The following CACNB2 variants were observed in gnomAD, a reference collection of about 807,000 sequenced individuals.
CACNB2 encodes the protein voltage-dependent L-type calcium channel subunit beta-2.
In CACNB2, 42 loss-of-function variants were observed where a neutral mutation model predicts 73.3. That is an observed-to-expected ratio of 0.57 (90% CI 0.45 to 0.74). CACNB2 has a LOEUF of 0.74. Ranked by LOEUF, CACNB2 falls within the 30% of genes least tolerant of loss-of-function variation. The probability of loss-of-function intolerance (pLI) is 0.00; values close to 1 mark genes in which losing one functional copy is unlikely to be tolerated. For synonymous variants in CACNB2, 348 were observed against 310.3 expected, an observed-to-expected ratio of 1.12 and a Z score of -1.28; for missense variants, 940 against 853.0, an observed-to-expected ratio of 1.10 and a Z score of -1.27.
intron 2 of CACNB2, among the ~76,000 whole-genome samples, chr10:18,183,698 G>A (rs953195111): frequency 6.6e-6 from 1 of 152,144 alleles, no homozygotes; most frequent in African/African-American, 2.4e-5. Context: ...AGGAATTATG[G>A]GAGCTACAAC....
intron 2 of CACNB2, among the ~76,000 whole-genome samples, chr10:18,236,979 T>C (rs1343494471): frequency 6.6e-6 from 1 of 152,178 alleles, no homozygotes; most frequent in Non-Finnish European, 1.5e-5. Flanking sequence ...CCTGTAGTAC[T>C]ATGCACCAGG....
intron 2 of CACNB2, among the ~76,000 whole-genome samples, chr10:18,385,528 GAGGC>G (rs945077892): frequency 6.6e-6 from 1 of 151,396 alleles, no homozygotes; most frequent in Non-Finnish European, 1.5e-5. Flanking sequence ...TAGGGAGGCT[GAGGC>G]AGGAGAATCG....
At chr10:18,490,490 C>T (rs2049348016) in intron 3 of CACNB2, among the ~76,000 whole-genome samples, 1 of 152,116 alleles carries the variant, frequency 6.6e-6, no homozygotes, top group Admixed American at 6.5e-5. Context: ...TTGGGCCTGA[C>T]CCTCCATAGC....
intron 2 of CACNB2, among the ~76,000 whole-genome samples, chr10:18,252,519 T>C (rs1170032781): frequency 6.6e-6 from 1 of 152,212 alleles, no homozygotes; most frequent in Non-Finnish European, 1.5e-5. Flanking sequence ...CATTTTGTAT[T>C]GCCATCTTTG....
intron 2 of CACNB2, among the ~76,000 whole-genome samples, chr10:18,355,130 G>T (rs574079370): frequency 6.6e-6 from 1 of 152,226 alleles, no homozygotes; most frequent in African/African-American, 2.4e-5. Flanking sequence ...CAAATATTCC[G>T]AAATCCAAAT....
chr10:18,405,925 G>C (rs970048034), intron 3 of CACNB2, among the ~76,000 whole-genome samples: 1 of 151,556 alleles, frequency 6.6e-6, no homozygotes, highest in African/African-American at 2.4e-5. Context: ...TTGCTCTCAC[G>C]TGTGCAACAG....
intron 1 of CACNB2, among the ~76,000 whole-genome samples, chr10:18,147,124 G>A (rs2031067600): frequency 6.6e-6 from 1 of 152,124 alleles, no homozygotes; most frequent in Non-Finnish European, 1.5e-5. Flanking sequence ...CAATCATGCA[G>A]CAATTAGATT....
chr10:18,444,587 C>T (rs987409534), intron 3 of CACNB2, among the ~76,000 whole-genome samples: 25 of 152,148 alleles, frequency 1.6e-4, no homozygotes, highest in African/African-American at 5.6e-4. Context: ...TGCAACGTCC[C>T]ACAGCTAGGA....
intron 2 of CACNB2, among the ~76,000 whole-genome samples, chr10:18,153,113 T>A (rs1297335711): frequency 1.3e-5 from 2 of 152,230 alleles, no homozygotes; most frequent in Non-Finnish European, 2.9e-5. Context: ...AACACCATTA[T>A]AAGTGATAAC....
intron 2 of CACNB2, among the ~76,000 whole-genome samples, chr10:18,228,449 A>AAAAAAAAAAAAAG (rs1192682769): frequency 9.6e-6 from 1 of 104,662 alleles, no homozygotes; most frequent in African/African-American, 3.2e-5. Flanking sequence ...AAAAAAAAAA[A>AAAAAAAAAAAAAG]GAAAAAAAAA....
At chr10:18,241,048 C>T (rs957183066) in intron 2 of CACNB2, among the ~76,000 whole-genome samples, 5 of 152,212 alleles carry the variant, frequency 3.3e-5, no homozygotes, top group African/African-American at 1.2e-4. Flanking sequence ...TACCTGATTG[C>T]CTCCTTTGGA....
intron 2 of CACNB2, among the ~76,000 whole-genome samples, chr10:18,306,560 G>T (rs1473952828): frequency 6.6e-6 from 1 of 152,194 alleles, no homozygotes; most frequent in Non-Finnish European, 1.5e-5. Context: ...AGAGTCTATT[G>T]TAAAATAATC....
intron 2 of CACNB2, among the ~76,000 whole-genome samples, chr10:18,286,439 A>C (rs1188984986): frequency 6.9e-6 from 1 of 144,320 alleles, no homozygotes; most frequent in African/African-American, 2.5e-5. Context: ...AATGGCGTGA[A>C]CCCTGCAGGT....
chr10:18,325,062 A>G (rs2040529430), intron 2 of CACNB2, among the ~76,000 whole-genome samples: 1 of 152,234 alleles, frequency 6.6e-6, no homozygotes, highest in South Asian at 2.1e-4. Flanking sequence ...ATAATTTGGA[A>G]CAAGGGACAC....
At chr10:18,304,145 A>G (rs368044450) in intron 2 of CACNB2, among the ~76,000 whole-genome samples, 1 of 152,146 alleles carries the variant, frequency 6.6e-6, no homozygotes, top group Non-Finnish European at 1.5e-5. Flanking sequence ...TTGTAGAGAT[A>G]GGGTTGCATT....
intron 2 of CACNB2, among the ~76,000 whole-genome samples, chr10:18,283,514 T>C (rs1438239938): frequency 1.8e-4 from 27 of 152,224 alleles, no homozygotes; most frequent in African/African-American, 6.0e-4. Context: ...GTTCATGTCC[T>C]TTGTAGGGAC....
Position 18,271,202 on chromosome 10 carries a change from G to T in CACNB2, c.213+120227G>T, listed in dbSNP as rs1202070440. Reference sequence around the variant, plus strand: ...CATAAAGTAGAAGAGAAATTTGGTTGCTACAGTTTGCAACTATGTAATCAT... The same window carrying T: ...CATAAAGTAGAAGAGAAATTTGGTTTCTACAGTTTGCAACTATGTAATCAT... On this transcript the variant is annotated intron_variant, in intron 2 of 13. Transcript: ENST00000324631. Among the ~76,000 whole-genome samples the T allele has an allele frequency of 2.6e-5, 4 of 152,190 alleles. No individual in the cohort carries two copies. In the East Asian group the frequency reaches 7.7e-4, roughly 29 times the overall value.
Position 18,321,367 on chromosome 10 carries a change from G to A in CACNB2, c.214-80557G>A, listed in dbSNP as rs565346874. On this transcript the variant is annotated intron_variant, in intron 2 of 13. Coordinates refer to ENST00000324631, the MANE Select transcript of CACNB2 (RefSeq NM_201596.3). ...GTATTTGAGAATACCACAGTACTTAGAAAATTTAATTTATTTCACCAGCTA... is the reference window on the plus strand; with the variant it reads ...GTATTTGAGAATACCACAGTACTTAAAAAATTTAATTTATTTCACCAGCTA... 3.9e-5 allele frequency among the ~76,000 whole-genome samples: 6 copies of A among 152,170 alleles called. 1 individual carries two copies. In the Middle Eastern group the frequency reaches 0.017, roughly 431 times the overall value.
At chr10:18,204,697 G>A (rs752864363) in intron 2 of CACNB2, among the ~76,000 whole-genome samples, 43 of 152,290 alleles carry the variant, frequency 2.8e-4, no homozygotes, top group African/African-American at 9.6e-4. Context: ...TAAGCTCTGC[G>A]AGGGCAAGTA....
Sources: allele counts gnomAD v4.1 joint callset (sites outside exome capture counted in the v4.1 genomes callset), GRCh38; gene constraint gnomAD v4.1.1; transcripts MANE v1.5; gene names NCBI Gene and HGNC (gene_info 2026-07-23, HGNC 2026-07-21).